The following ZDHHC1 variants were observed in gnomAD, a reference collection of about 807,000 sequenced individuals.
The protein encoded by ZDHHC1 is zDHHC palmitoyltransferase 1, also known as palmitoyltransferase ZDHHC1.
A neutral mutation model predicts 46.9 loss-of-function variants in ZDHHC1; 45 were observed. The ratio of observed to expected loss-of-function variants is 0.96; its 90% CI spans 0.76 to 1.23. The LOEUF is 1.23. Ranked by LOEUF, ZDHHC1 falls within the 50% of genes most tolerant of loss-of-function variation. The probability of loss-of-function intolerance (pLI) is 0.00; values close to 1 mark genes in which losing one functional copy is unlikely to be tolerated. For synonymous variants in ZDHHC1, 291 were observed against 286.0 expected (o/e 1.02, Z -0.18); for missense variants, 649 against 670.8 (o/e 0.97, Z 0.36).
In ZDHHC1 at chr16:67,407,198, G is replaced by A. The variant is rs369855507; in HGVS notation, c.9+569C>T. Reference sequence around the variant, plus strand: ...ATGGCATCAACCACCCCCTCCACCCGCCACCCTCTAGCCGGACAGCTGGCC... The same window carrying A: ...ATGGCATCAACCACCCCCTCCACCCACCACCCTCTAGCCGGACAGCTGGCC... On this transcript the variant is annotated intron_variant, in intron 2 of 11. Transcript: ENST00000565726. Among the ~76,000 whole-genome samples the A allele has an allele frequency of 9.3e-4, 141 of 152,272 alleles. 2 individuals are homozygous for A. The South Asian group carries it at 0.025, about 27-fold the overall frequency.
Position 67,395,038 on chromosome 16 carries a change from T to C in ZDHHC1, c.1129A>G (p.Lys377Glu), listed in dbSNP as rs1388980604. Residue 377 changes from lysine to glutamate, a missense_variant, in exon 11 of 12, where the codon AAA becomes GAA. Transcript: ENST00000565726. ...TCCGAGGTCTCAGACGTTCGCACTT[T>C]ATACACGCGCCTCTTCCTCTTTTTC... ...PQKKRKRRVY[K>E]VRTSETSDPA... 5 of 1,613,042 alleles carry C rather than the reference T, an allele frequency of 3.1e-6. No individual in the cohort carries two copies. The highest frequency in any genetic ancestry group is 3.4e-6 in the Non-Finnish European group (4 of 1,179,800).
At chr16:67,402,657 C>T (rs1006592405) in intron 3 of ZDHHC1, among the ~76,000 whole-genome samples, 3 of 150,336 alleles carry the variant, frequency 2.0e-5, no homozygotes, top group South Asian at 2.1e-4. Flanking sequence ...GATGGAGTCT[C>T]GCTCTGTTGC....
chr16:67,394,915 G>A, intron 11 of ZDHHC1, 22 bp from the exon 12 acceptor site: 4 of 1,569,416 alleles, frequency 2.5e-6, no homozygotes, highest in Non-Finnish European at 3.5e-6. Flanking sequence ...AAGGGAACAT[G>A]AGCCCAGTGG....
At chr16:67,414,895 G>C (rs942779314) in intron 1 of ZDHHC1, among the ~76,000 whole-genome samples, 6 of 152,342 alleles carry the variant, frequency 3.9e-5, no homozygotes, top group African/African-American at 1.2e-4. Context: ...ACTCTTCTTT[G>C]GGAGGCCAAG....
At chr16:67,402,824 G>T (rs969427517) in intron 3 of ZDHHC1, among the ~76,000 whole-genome samples, 3 of 152,110 alleles carry the variant, frequency 2.0e-5, no homozygotes, top group African/African-American at 7.2e-5. Flanking sequence ...CCAAGGTTTC[G>T]CCATGTTGGC....
At chr16:67,399,842 C>T (rs1316637620) in intron 4 of ZDHHC1, among the ~76,000 whole-genome samples, 2 of 152,204 alleles carry the variant, frequency 1.3e-5, no homozygotes, top group Non-Finnish European at 2.9e-5. Context: ...GGGCCCAGGG[C>T]CTGCACTGCC....
At chr16:67,414,503 T>C (rs891749242) in intron 1 of ZDHHC1, among the ~76,000 whole-genome samples, 3 of 152,224 alleles carry the variant, frequency 2.0e-5, no homozygotes, top group Non-Finnish European at 4.4e-5. Flanking sequence ...ATCGCTCTCC[T>C]ACAGTGTTTG....
intron 3 of ZDHHC1, chr16:67,404,757 A>G (rs1269974317): frequency 1.5e-5 from 7 of 455,514 alleles, no homozygotes; most frequent in Admixed American, 1.4e-4. Flanking sequence ...AAGGATTACA[A>G]TGAGGACCAA....
rs535453100 is a variant in ZDHHC1, at chr16:67,405,699, G to A, written c.252+501C>T. Among the ~76,000 whole-genome samples, 72 of 152,306 alleles carry A rather than the reference G, an allele frequency of 4.7e-4. 1 individual carries two copies. Among genetic ancestry groups the A allele is most frequent in the Non-Finnish European group, 6.5e-4 (44 of 68,028 alleles). On this transcript the variant is annotated intron_variant, in intron 3 of 11. Coordinates refer to ENST00000565726, the MANE Select transcript of ZDHHC1 (RefSeq NM_001323627.2). Reference sequence around the variant, plus strand: ...CAACCTCACTCTAAAAGGGTCTGATGTACAGAATCAATGTGCCCATAAACA... The same window carrying A: ...CAACCTCACTCTAAAAGGGTCTGATATACAGAATCAATGTGCCCATAAACA...
rs12933493 is a variant in ZDHHC1 at position 67,394,760 on chromosome 16, C to A, written c.1299G>T (p.Gln433His). Residue 433 changes from glutamine (Q) to histidine (H), a missense_variant, in exon 12 of 12, where the codon CAG becomes CAT. By Grantham distance (24) the Gln-to-His change is conservative. Transcript: ENST00000565726. ...CCAGAGCGGCGCTGCCCAGGCGCGT[C>A]TGCGCCACTGGAATCTCGTCCACGG... The part of the protein sequence containing the change: ...AESVDEIPVA[Q>H]TRLGSAALAA... The A allele has an allele frequency of 6.6e-7, 1 of 1,524,418 alleles. No homozygotes were observed. The highest frequency in any genetic ancestry group is 8.8e-7 in the Non-Finnish European group (1 of 1,142,352). 94.4% of individuals were successfully genotyped at this position (1,524,418 alleles called of 1,614,324 possible). A position where few individuals can be genotyped will look rare whatever the true frequency, so the allele number is the denominator to read the frequency against.
rs755259220 is a variant in ZDHHC1 at position 67,401,094 on chromosome 16, G to A, written c.291C>T (p.His97=). ...CTGGATCGATGGAGACGGCGGTCAG[G>A]TGCACCACAAGGTGGCCAGCAAAGA... ...GAIFAGHLVV[H]LTAVSIDPAD... The change falls in exon 4 of 12, where the codon CAC becomes CAT. Residue 97 remains histidine (H), a synonymous_variant. Coordinates refer to ENST00000565726, the MANE Select transcript of ZDHHC1 (RefSeq NM_001323627.2). The surrounding 1 kb of genome is among the most constrained non-coding windows in gnomAD (Gnocchi z 4.6). 1 of 1,614,088 alleles carries A rather than the reference G, an allele frequency of 6.2e-7. No individual in the cohort carries two copies. Among genetic ancestry groups the A allele is most frequent in the South Asian group, 1.1e-5 (1 of 91,086 alleles).
At chr16:67,413,286 G>A (rs982153528) in intron 1 of ZDHHC1, among the ~76,000 whole-genome samples, 5 of 152,018 alleles carry the variant, frequency 3.3e-5, no homozygotes, top group East Asian at 1.9e-4. Context: ...TGAACTTTCC[G>A]TTTCCCCCAG....
At chr16:67,405,167 A>C (rs1412349785) in intron 3 of ZDHHC1, among the ~76,000 whole-genome samples, 1 of 152,162 alleles carries the variant, frequency 6.6e-6, no homozygotes. Context: ...CCGCCTCCAC[A>C]TACCTACCCT....
In ZDHHC1 at chr16:67,398,572, C is replaced by T; in HGVS notation, c.814+1G>A. ...AGAAGGCAGGTGCAGGAGGCACTTA[C>T]TGAGATAAATGTGGAAGCAGAGCAG... is the stretch of plus-strand genomic sequence containing the variant. On this transcript the variant is annotated splice_donor_variant, in intron 7 of 11. Transcript: ENST00000565726. LOFTEE classifies it high-confidence loss of function. 6.3e-7 allele frequency: 1 copy of T among 1,597,158 alleles called. No individual in the cohort carries two copies. Among genetic ancestry groups the T allele is most frequent in the Non-Finnish European group, 8.5e-7 (1 of 1,174,386 alleles).
rs1323551765 is a variant in ZDHHC1 at position 67,398,665 on chromosome 16, G to A, written c.722C>T (p.Pro241Leu). The change falls in exon 7 of 12, where the codon CCT becomes CTT. Residue 241 changes from proline (P) to leucine (L), a missense_variant. Transcript: ENST00000565726. ...CAGGGCGGCCAGGGCCAGGATGGCA[G>A]GGGCCTGGGTCTCCACGGGGGCGGC... ...LPAAPVETQA[P>L]AILALAALLI... is the part of the protein sequence containing the mutation. 3 of 1,607,944 alleles carry A rather than the reference G, an allele frequency of 1.9e-6. No homozygotes were observed. Among genetic ancestry groups the A allele is most frequent in the Non-Finnish European group, 2.5e-6 (3 of 1,178,042 alleles).
chr16:67,409,532 TGAC>T (rs1417197837), intron 1 of ZDHHC1, among the ~76,000 whole-genome samples: 2 of 152,234 alleles, frequency 1.3e-5, no homozygotes, highest in Non-Finnish European at 2.9e-5. Context: ...CACTCTTCAC[TGAC>T]GACATTTTCT....
intron 1 of ZDHHC1, among the ~76,000 whole-genome samples, chr16:67,413,504 C>T (rs2040783546): frequency 6.6e-6 from 1 of 152,196 alleles, no homozygotes; most frequent in African/African-American, 2.4e-5. Flanking sequence ...TTCTGAGAAG[C>T]AGCTCTAGCT....
chr16:67,409,319 AGGATACTCCCTGATACTCCAAATC>A (rs2040713655), intron 1 of ZDHHC1, among the ~76,000 whole-genome samples: 1 of 150,980 alleles, frequency 6.6e-6, no homozygotes, highest in Non-Finnish European at 1.5e-5. Context: ...ACTCCAAATC[AGGATACTCCCTGATACTCCAAATC>A]GGATACCCCC....
chr16:67,399,065 C>G, intron 5 of ZDHHC1, 121 bp from the exon 6 acceptor site: 3 of 1,366,418 alleles, frequency 2.2e-6, no homozygotes, highest in Non-Finnish European at 2.9e-6. Context: ...CCCACAGCCC[C>G]AACTCCTCAG....
Sources: gnomAD v4.1 joint callset for allele counts (sites outside exome capture counted in the v4.1 genomes callset) on GRCh38, gnomAD v4.1.1 for gene constraint, Gnocchi (gnomAD v3.1) non-coding constraint, MANE v1.5 for transcripts, NCBI Gene and HGNC (gene_info 2026-07-23, HGNC 2026-07-21) for gene names.